The following LTF variants were observed in gnomAD, a reference collection of about 807,000 sequenced individuals.
LTF encodes the protein epididymis luminal protein 110.
LTF carries 91 observed loss-of-function variants against 87.2 expected under a neutral mutation model. The observed-to-expected ratio is 1.04, with a 90% CI of 0.88 to 1.24. The LOEUF (loss-of-function observed/expected upper bound fraction) is 1.24. Ranked by LOEUF, LTF falls within the 50% of genes most tolerant of loss-of-function variation. The pLI is 0.00. For synonymous variants in LTF, 378 were observed against 356.1 expected (o/e 1.06, Z -0.69); for missense variants, 901 against 904.3 (o/e 1.00, Z 0.05).
At chr3:46,464,322 C>G (rs1407904918) in intron 1 of LTF, among the ~76,000 whole-genome samples, 1 of 152,118 alleles carries the variant, frequency 6.6e-6, no homozygotes, top group Non-Finnish European at 1.5e-5. Flanking sequence ...GGAAGGTGTG[C>G]GAATGCCCCA....
intron 11 of LTF, among the ~76,000 whole-genome samples, chr3:46,445,801 A>G (rs774984049): frequency 6.6e-6 from 1 of 152,262 alleles, no homozygotes; most frequent in African/African-American, 2.4e-5. Context: ...ATAAATCACC[A>G]ACCACAGTGT....
chr3:46,474,479 G>A (rs1429790994), intron 1 of LTF, among the ~76,000 whole-genome samples: 1 of 152,150 alleles, frequency 6.6e-6, no homozygotes, highest in Non-Finnish European at 1.5e-5. Flanking sequence ...GATAGAACTA[G>A]AAAGAGAAAT....
chr3:46,439,468 T>G lies in LTF; in HGVS notation c.1736A>C (p.Glu579Ala), dbSNP rs1702464316. 1.2e-6 allele frequency: 2 copies of G among 1,604,502 alleles called. No individual in the cohort carries two copies. Among genetic ancestry groups the G allele is most frequent in the Admixed American group, 1.7e-5 (1 of 57,964 alleles). Reference sequence around the variant, plus strand: ...CAGCTTCAAATCCTTAGCCCATGCCTCATTGTTATTTCCTGGGGAGAAAAA... The same window carrying G: ...CAGCTTCAAATCCTTAGCCCATGCCGCATTGTTATTTCCTGGGGAGAAAAA... ...VLQNTDGNNNEAWAKDLKLAD... is the reference protein window; with the variant it reads ...VLQNTDGNNNAAWAKDLKLAD... Residue 579 changes from glutamate to alanine, a missense_variant, in exon 15 of 17, where the codon GAG (glutamate) becomes GCG (alanine). Transcript: ENST00000231751.
In LTF at chr3:46,448,850, T is replaced by C; in HGVS notation, c.1212+13A>G. The C allele has an allele frequency of 6.2e-7, 1 of 1,611,088 alleles. No homozygotes were observed. The highest frequency in any genetic ancestry group is 8.5e-7 in the Non-Finnish European group (1 of 1,179,120). The stretch of plus-strand genomic sequence containing the variant: ...CCGGGCCCACCGCCCGCCCCTGTGA[T>C]GGAGCTCCCTACCAGCACCAGGGCG... On this transcript the variant is annotated intron_variant, in intron 9 of 16. Transcript: ENST00000231751.
At chr3:46,455,189 C>A (rs1386953023) in intron 5 of LTF, 106 bp downstream of exon 5, 2 of 1,373,158 alleles carry the variant, frequency 1.5e-6, no homozygotes, top group Non-Finnish European at 2.0e-6. Flanking sequence ...GACCTCCTCT[C>A]GTCCCCAAGA....
At chr3:46,482,583 G>A (rs1193574532) in intron 1 of LTF, among the ~76,000 whole-genome samples, 5,182 of 106,404 alleles carry the variant, frequency 0.049, 1,386 homozygotes, top group East Asian at 0.11. Flanking sequence ...AGGAAAGGAA[G>A]GGAGAAAGAG....
intron 15 of LTF, among the ~76,000 whole-genome samples, chr3:46,438,515 G>C (rs149369594): frequency 6.6e-6 from 1 of 152,206 alleles, no homozygotes; most frequent in Non-Finnish European, 1.5e-5. Flanking sequence ...AGAGAGGCAG[G>C]CTGCTAGGAA....
chr3:46,442,838 G>A (rs1453237094), intron 13 of LTF, among the ~76,000 whole-genome samples: 1 of 152,152 alleles, frequency 6.6e-6, no homozygotes, highest in Non-Finnish European at 1.5e-5. Flanking sequence ...CCTTCACACT[G>A]GTAAATAGTG....
intron 1 of LTF, among the ~76,000 whole-genome samples, chr3:46,478,912 C>A (rs1400234252): frequency 1.3e-5 from 2 of 152,220 alleles, no homozygotes; most frequent in African/African-American, 4.8e-5. Flanking sequence ...TGACACAGTG[C>A]GGCCAGGTAG....
At chr3:46,436,924 C>A (rs1017164604) in intron 16 of LTF, among the ~76,000 whole-genome samples, 1 of 152,240 alleles carries the variant, frequency 6.6e-6, no homozygotes, top group African/African-American at 2.4e-5. Context: ...TTGTTACCAG[C>A]AGCACCCTCT....
At position 46,439,422 on chromosome 3, in the gene LTF, G is replaced by A; in HGVS notation, c.1782C>T (p.Cys594=). 1.2e-6 allele frequency: 2 copies of A among 1,614,140 alleles called. No homozygotes were observed. Among genetic ancestry groups the A allele is most frequent in the Non-Finnish European group, 1.7e-6 (2 of 1,179,990 alleles). The change falls in exon 15 of 17, where the codon TGC becomes TGT. Residue 594 remains cysteine (C), a synonymous_variant. Coordinates refer to ENST00000231751, the MANE Select transcript of LTF (RefSeq NM_002343.6). ...DLKLADFALL[C]LDGKRKPVTE... is the part of the protein sequence containing the mutation. The stretch of plus-strand genomic sequence containing the variant: ...TCACAGGCTTCCGTTTGCCATCGAG[G>A]CACAGCAGCGCAAAGTCTGCCAGCT...
Position 46,449,936 on chromosome 3 carries a change from C to T in LTF, c.975G>A (p.Gly325=). The T allele has an allele frequency of 6.2e-7, 1 of 1,614,158 alleles. No homozygotes were observed. The highest frequency in any genetic ancestry group is 8.5e-7 in the Non-Finnish European group (1 of 1,180,032). ...CTATCCTCGGGGGCACCCTCGAAAA[C>T]CCAATGGCAGAGTCCTTGAACAGCA... is the stretch of plus-strand genomic sequence containing the variant. ...KDLLFKDSAI[G]FSRVPPRIDS... The change falls in exon 8 of 17, where the codon GGG becomes GGA. Residue 325 remains glycine (G), a synonymous_variant. Transcript: ENST00000231751.
upstream of LTF, among the ~76,000 whole-genome samples, chr3:46,467,490 G>A (rs1405703806): frequency 6.6e-6 from 1 of 152,098 alleles, no homozygotes; most frequent in Non-Finnish European, 1.5e-5. Flanking sequence ...GGAAGGGTGG[G>A]ATTTCTACAG....
upstream of LTF, among the ~76,000 whole-genome samples, chr3:46,467,976 C>A (rs1295240873): frequency 6.6e-6 from 1 of 152,210 alleles, no homozygotes; most frequent in Non-Finnish European, 1.5e-5. Flanking sequence ...GTCCCTCCAA[C>A]CCTGAACCTT....
Position 46,464,873 on chromosome 3 carries a change from C to A in LTF, c.-6G>T, listed in dbSNP as rs1270525425. ...ACGAGGAAGACAAGTTTCATGTCTG[C>A]GGTCTGGAGGCGACTTGGCAAACGA... On this transcript the variant is annotated 5_prime_UTR_variant, in exon 1 of 17. Coordinates refer to ENST00000231751, the MANE Select transcript of LTF (RefSeq NM_002343.6). 1.2e-6 allele frequency: 2 copies of A among 1,613,828 alleles called. No individual in the cohort carries two copies. Among genetic ancestry groups the A allele is most frequent in the South Asian group, 1.1e-5 (1 of 91,064 alleles).
chr3:46,459,947 G>A, intron 1 of LTF, 128 bp from the exon 2 acceptor site: 1 of 562,360 alleles, frequency 1.8e-6, no homozygotes, highest in Non-Finnish European at 2.8e-6. Context: ...CCATTTCATG[G>A]CTATGTCCAG....
At chr3:46,448,813 C>G in intron 9 of LTF, 50 bp downstream of exon 9, 1 of 1,598,414 alleles carries the variant, frequency 6.3e-7, no homozygotes, top group South Asian at 1.1e-5. Flanking sequence ...TGCCCAGGCC[C>G]TAGGTCTTCC....
chr3:46,437,788 T>A (rs948676655), intron 16 of LTF, 152 bp downstream of exon 16: 2 of 645,058 alleles, frequency 3.1e-6, no homozygotes, highest in Non-Finnish European at 5.4e-6. Context: ...AATTATTTTA[T>A]CAATGAGATT....
rs185364991 is a variant in LTF, at chr3:46,482,625, A to G, written c.-320+2361T>C. ...AGAAAGAAAGAAGAAAGAAAGAAAG[A>G]AAGAAAGAAAGAAAGAAAGAAAGAA... On this transcript the variant is annotated intron_variant, in intron 1 of 19. Coordinates refer to the LTF transcript ENST00000443496. Among the ~76,000 whole-genome samples, 324 of 65,108 alleles carry G rather than the reference A, an allele frequency of 5.0e-3. 6 individuals carry two copies. Among genetic ancestry groups the G allele is most frequent in the African/African-American group, 0.017 (283 of 16,836 alleles). 42.7% of individuals were successfully genotyped at this position (65,108 alleles called of 152,430 possible). A position where few individuals can be genotyped will look rare whatever the true frequency, so the allele number is the denominator to read the frequency against.
Sources: gnomAD v4.1 joint callset for allele counts (sites outside exome capture counted in the v4.1 genomes callset) on GRCh38, gnomAD v4.1.1 for gene constraint, MANE v1.5 for transcripts, NCBI Gene and HGNC (gene_info 2026-07-23, HGNC 2026-07-21) for gene names.